CFAP52: variants seen among roughly 807,000 people sequenced by gnomAD.
The protein encoded by CFAP52 is cilia- and flagella-associated protein 52.
In CFAP52, 57 loss-of-function variants were observed where a neutral mutation model predicts 70.5. The ratio of observed to expected loss-of-function variants is 0.81; its 90% CI spans 0.65 to 1.01. The LOEUF is 1.01. CFAP52 is among the 50% of genes least tolerant of loss of function. The pLI, the probability that CFAP52 is intolerant of heterozygous loss-of-function variation, is 0.00. For missense variants in CFAP52, 785 were observed against 788.5 expected (o/e 1.00, Z 0.05); for synonymous variants, 267 against 292.5 (o/e 0.91, Z 0.89).
At chr17:9,631,769 G>GTT (rs562813196) in intron 9 of CFAP52, among the ~76,000 whole-genome samples, 36 of 141,588 alleles carry the variant, frequency 2.5e-4, no homozygotes, top group Non-Finnish European at 2.6e-4. Flanking sequence ...GTTTTGGAAA[G>GTT]TTTTTTTTTT....
intron 1 of CFAP52, among the ~76,000 whole-genome samples, chr17:9,579,215 AAG>A (rs1351130523): frequency 6.6e-6 from 1 of 152,206 alleles, no homozygotes; most frequent in Middle Eastern, 3.2e-3. Context: ...CTCTAAAAAA[AAG>A]AGGGAGAGAG....
intron 12 of CFAP52, chr17:9,638,996 A>G: frequency 2.9e-6 from 1 of 349,566 alleles, no homozygotes; most frequent in Non-Finnish European, 5.2e-6. Context: ...TACTCAATAG[A>G]TTGGTTTTTA....
intron 1 of CFAP52, among the ~76,000 whole-genome samples, chr17:9,578,099 AAAT>A (rs1280922018): frequency 6.6e-6 from 1 of 152,172 alleles, no homozygotes; most frequent in Non-Finnish European, 1.5e-5. Flanking sequence ...CTCAAAAAAT[AAAT>A]AAATAAATAA....
chr17:9,638,759 G>T, intron 12 of CFAP52, 48 bp downstream of exon 12: 1 of 1,587,426 alleles, frequency 6.3e-7, no homozygotes, highest in Non-Finnish European at 8.6e-7. Context: ...CAAGAGAAAA[G>T]CAGTGAGGCG....
chr17:9,642,629 A>G (rs917751958), intron 13 of CFAP52, among the ~76,000 whole-genome samples: 1 of 152,222 alleles, frequency 6.6e-6, no homozygotes, highest in Non-Finnish European at 1.5e-5. Flanking sequence ...CAATAAATAA[A>G]TAAGTAAAAA....
intron 6 of CFAP52, among the ~76,000 whole-genome samples, chr17:9,604,550 C>T (rs1402001649): frequency 6.6e-6 from 1 of 151,778 alleles, no homozygotes; most frequent in African/African-American, 2.4e-5. Flanking sequence ...GGCCGATCAC[C>T]TGAGGTCAGG....
At chr17:9,610,384 T>C (rs1909666314) in intron 7 of CFAP52, 1 of 152,206 alleles carries the variant, frequency 6.6e-6, no homozygotes, top group Admixed American at 6.5e-5. Flanking sequence ...TGTGTGACAG[T>C]GCAGAATTAA....
In CFAP52 at chr17:9,585,761, T is replaced by A; in HGVS notation, c.71-12T>A. 1 of 1,613,690 alleles carries A rather than the reference T, an allele frequency of 6.2e-7. No individual in the cohort carries two copies. Among genetic ancestry groups the A allele is most frequent in the African/African-American group, 1.3e-5 (1 of 75,016 alleles). On this transcript the variant is annotated splice_polypyrimidine_tract_variant and intron_variant, in intron 1 of 13. Transcript: ENST00000352665. ...CACCTGATTATTATTACTGTGAATC[T>A]CTCTCTTTTAGGACATGTGCCCACT...
chr17:9,613,151 T>C (rs1301525895), intron 8 of CFAP52, among the ~76,000 whole-genome samples: 2 of 151,748 alleles, frequency 1.3e-5, no homozygotes, highest in Non-Finnish European at 2.9e-5. Flanking sequence ...TTTTCAAACT[T>C]CTTTCCTGTC....
chr17:9,631,024 A>AGAGAGAGAGAG (rs1567634806), intron 9 of CFAP52, among the ~76,000 whole-genome samples: 1 of 30,080 alleles, frequency 3.3e-5, no homozygotes, highest in African/African-American at 1.5e-4. Context: ...GAAAGAAAGA[A>AGAGAGAGAGAG]AGAAAGAGAG....
intron 3 of CFAP52, among the ~76,000 whole-genome samples, chr17:9,591,030 CTTTTTTT>C (rs34888799): frequency 6.5e-5 from 5 of 76,758 alleles, no homozygotes; most frequent in Non-Finnish European, 8.8e-5. Flanking sequence ...TTGCATGCAT[CTTTTTTT>C]TTTTTTTTTT....
chr17:9,622,989 ATCT>A lies in CFAP52; in HGVS notation c.1026-5676_1026-5674del, dbSNP rs139143365. On this transcript the variant is annotated intron_variant, in intron 8 of 13. Coordinates refer to ENST00000352665, the MANE Select transcript of CFAP52 (RefSeq NM_145054.5). ...TTTTAATGTAGTTAGTGTCATACAG[ATCT>A]TCTTCTCCTTATTGATTTTTAGTCC... Among the ~76,000 whole-genome samples the A allele has an allele frequency of 2.5e-4, 38 of 152,156 alleles. No homozygotes were observed. In the East Asian group the frequency reaches 4.6e-3, roughly 19 times the overall value.
chr17:9,590,853 T>C (rs1050420118), intron 3 of CFAP52, among the ~76,000 whole-genome samples: 5 of 151,932 alleles, frequency 3.3e-5, no homozygotes, highest in African/African-American at 9.7e-5. Context: ...TGCCCATCCC[T>C]GGATAGTCTC....
At chr17:9,645,526 C>T (rs1018340032), downstream of CFAP52, 37 of 1,058,630 alleles carry the variant, frequency 3.5e-5, no homozygotes, top group Non-Finnish European at 4.3e-5. The surrounding 1 kb of genome is among the most constrained non-coding windows in gnomAD (Gnocchi z 6.8). Context: ...CACACCTGGC[C>T]CGCAGGTAGC....
chr17:9,583,758 C>T (rs543330425), intron 1 of CFAP52, among the ~76,000 whole-genome samples: 5 of 152,198 alleles, frequency 3.3e-5, no homozygotes, highest in African/African-American at 1.2e-4. Flanking sequence ...AAAATTCTGA[C>T]CATAGGTGAG....
At chr17:9,625,426 TAG>T (rs1910200386) in intron 8 of CFAP52, among the ~76,000 whole-genome samples, 7 of 151,206 alleles carry the variant, frequency 4.6e-5, no homozygotes, top group African/African-American at 1.5e-4. Context: ...CATTGTTAGC[TAG>T]GGATACATGT....
At chr17:9,635,286 A>T in intron 10 of CFAP52, 119 bp from the exon 11 acceptor site, 1 of 1,399,024 alleles carries the variant, frequency 7.1e-7, no homozygotes, top group Non-Finnish European at 9.7e-7. Context: ...CGAGACAAAG[A>T]CAGGGAATTA....
Position 9,633,000 on chromosome 17 carries a change from T to G in CFAP52, c.1287T>G (p.Cys429Trp). The G allele has an allele frequency of 6.2e-7, 1 of 1,614,116 alleles. No individual in the cohort carries two copies. The highest frequency in any genetic ancestry group is 1.1e-5 in the South Asian group (1 of 91,054). ...GVTAIATTSD[C>W]KRVISGGGEG... is the part of the protein sequence containing the mutation. ...CCGCCATCGCCACCACCAGTGACTG[T>G]AAAAGGGTCATCAGTGGCGGTGGGG... The change falls in exon 10 of 14, where the codon TGT (cysteine) becomes TGG (tryptophan). Residue 429 changes from cysteine to tryptophan, a missense_variant. Transcript: ENST00000352665.
chr17:9,600,041 A>G (rs1039950348), intron 5 of CFAP52, 26 bp from the exon 6 acceptor site: 1 of 1,608,344 alleles, frequency 6.2e-7, no homozygotes. Context: ...GAGGCTGGCC[A>G]AGATTTCTTT....
Sources: gnomAD v4.1 joint callset for allele counts (sites outside exome capture counted in the v4.1 genomes callset) on GRCh38, gnomAD v4.1.1 for gene constraint, Gnocchi (gnomAD v3.1) non-coding constraint, MANE v1.5 for transcripts, NCBI Gene and HGNC (gene_info 2026-07-23, HGNC 2026-07-21) for gene names.